The following SNTG1 variants were observed in gnomAD, a reference collection of about 807,000 sequenced individuals.
SNTG1 encodes the protein gamma-1-syntrophin.
In SNTG1, 39 loss-of-function variants were observed where a neutral mutation model predicts 74.7. The observed-to-expected ratio is 0.52, with a 90% CI of 0.40 to 0.68. The LOEUF (loss-of-function observed/expected upper bound fraction) is 0.68. SNTG1 is among the 30% of genes least tolerant of loss of function. The probability of loss-of-function intolerance (pLI) is 0.00; values close to 1 mark genes in which losing one functional copy is unlikely to be tolerated. For missense variants in SNTG1, 685 were observed against 609.5 expected, an observed-to-expected ratio of 1.12 and a Z score of -1.30; for synonymous variants, 254 against 217.1, an observed-to-expected ratio of 1.17 and a Z score of -1.49.
rs139447785 is a variant in SNTG1, at chr8:49,913,830, A to T, written c.-103+1599A>T. ...TTAATTAACACAGAGGGACTCCCCT[A>T]GTCAGTAGGGCATAAAATGTAAGCA... On this transcript the variant is annotated intron_variant, in intron 1 of 18. Transcript: ENST00000642720. 2.6e-4 allele frequency among the ~76,000 whole-genome samples: 40 copies of T among 152,356 alleles called. 2 individuals are homozygous for T. The East Asian group carries it at 6.6e-3, about 25-fold the overall frequency.
intron 1 of SNTG1, among the ~76,000 whole-genome samples, chr8:50,105,026 G>A (rs1197749816): frequency 1.3e-5 from 2 of 152,078 alleles, no homozygotes; most frequent in African/African-American, 2.4e-5. Flanking sequence ...TTGCTCTGCA[G>A]AAGCCTTTTA....
At chr8:50,054,503 C>G (rs1330437937) in intron 1 of SNTG1, among the ~76,000 whole-genome samples, 14 of 152,026 alleles carry the variant, frequency 9.2e-5, no homozygotes, top group Admixed American at 9.2e-4. Flanking sequence ...ACTGAACAAA[C>G]CATAAACTCT....
intron 1 of SNTG1, among the ~76,000 whole-genome samples, chr8:50,086,963 G>A (rs1822945767): frequency 6.6e-6 from 1 of 152,142 alleles, no homozygotes; most frequent in Non-Finnish European, 1.5e-5. Flanking sequence ...TTGAAGATCA[G>A]CATGTATTGT....
intron 12 of SNTG1, among the ~76,000 whole-genome samples, chr8:50,564,177 A>G (rs1159674346): frequency 6.6e-6 from 1 of 151,720 alleles, no homozygotes; most frequent in Non-Finnish European, 1.5e-5. Flanking sequence ...CTGACATGTC[A>G]TCCAAGACTT....
At chr8:49,980,643 T>A (rs1218662059) in intron 1 of SNTG1, among the ~76,000 whole-genome samples, 1 of 152,002 alleles carries the variant, frequency 6.6e-6, no homozygotes, top group Non-Finnish European at 1.5e-5. Flanking sequence ...GTTCCTGAAT[T>A]TTTTTAATAA....
chr8:50,483,380 T>C (rs892537394), intron 8 of SNTG1, among the ~76,000 whole-genome samples: 1 of 152,106 alleles, frequency 6.6e-6, no homozygotes, highest in African/African-American at 2.4e-5. Context: ...ATACATTATA[T>C]TTGGGATATA....
At chr8:50,543,993 A>G (rs2094367594) in intron 11 of SNTG1, among the ~76,000 whole-genome samples, 1 of 152,108 alleles carries the variant, frequency 6.6e-6, no homozygotes, top group South Asian at 2.1e-4. Context: ...GTGTCTGTTT[A>G]TGTCTTTTGC....
intron 15 of SNTG1, among the ~76,000 whole-genome samples, chr8:50,696,500 G>T (rs1270278957): frequency 6.6e-6 from 1 of 151,754 alleles, no homozygotes; most frequent in Admixed American, 6.6e-5. Flanking sequence ...TTGAGGACTT[G>T]GTCATAAAAT....
intron 1 of SNTG1, among the ~76,000 whole-genome samples, chr8:50,016,330 A>G (rs1171034373): frequency 6.6e-6 from 1 of 152,018 alleles, no homozygotes; most frequent in Admixed American, 6.6e-5. Flanking sequence ...ATTTTTTAAA[A>G]TTTTTCACTC....
chr8:50,203,580 G>A (rs145782590), intron 2 of SNTG1, among the ~76,000 whole-genome samples: 2 of 152,126 alleles, frequency 1.3e-5, no homozygotes, highest in East Asian at 3.9e-4. Flanking sequence ...CTTACTTAGT[G>A]GTTGTTCTTT....
intron 12 of SNTG1, among the ~76,000 whole-genome samples, chr8:50,561,423 C>T (rs1434632342): frequency 1.3e-5 from 2 of 151,608 alleles, no homozygotes; most frequent in Admixed American, 1.3e-4. Context: ...TTTTAAAAAC[C>T]AGAAAAAAGG....
chr8:50,390,786 A>T (rs536730961), intron 2 of SNTG1, among the ~76,000 whole-genome samples: 1 of 152,234 alleles, frequency 6.6e-6, no homozygotes, highest in African/African-American at 2.4e-5. Context: ...GGTCCTCCAC[A>T]TCCCTTGTAA....
intron 10 of SNTG1, among the ~76,000 whole-genome samples, chr8:50,536,435 C>T (rs1046747418): frequency 1.3e-5 from 2 of 152,084 alleles, no homozygotes; most frequent in Admixed American, 1.3e-4. Flanking sequence ...TTTTAAAATA[C>T]GTTTTCACTA....
At chr8:50,335,256 T>C (rs189523332) in intron 2 of SNTG1, among the ~76,000 whole-genome samples, 16 of 152,318 alleles carry the variant, frequency 1.1e-4, no homozygotes, top group African/African-American at 3.1e-4. Context: ...ACAAACTTGG[T>C]GGTTTAGAAC....
intron 18 of SNTG1, among the ~76,000 whole-genome samples, chr8:50,757,922 C>G (rs2095585559): frequency 6.6e-6 from 1 of 151,892 alleles, no homozygotes; most frequent in South Asian, 2.1e-4. Context: ...CAAAACAACA[C>G]TACACTGATT....
intron 1 of SNTG1, among the ~76,000 whole-genome samples, chr8:49,934,297 A>G (rs2129361434): frequency 7.0e-6 from 1 of 143,374 alleles, no homozygotes; most frequent in African/African-American, 2.6e-5. Context: ...CTATCTATCT[A>G]TCTATCTATC....
At chr8:50,167,071 A>C (rs1441058744) in intron 1 of SNTG1, among the ~76,000 whole-genome samples, 1 of 133,340 alleles carries the variant, frequency 7.5e-6, no homozygotes. Context: ...GAATTGAACA[A>C]TGCGATCACA....
At chr8:50,655,715 C>A (rs947837904) in intron 13 of SNTG1, among the ~76,000 whole-genome samples, 2 of 152,112 alleles carry the variant, frequency 1.3e-5, no homozygotes, top group African/African-American at 4.8e-5. Context: ...TATGAGTAGA[C>A]GACAGTAATA....
intron 2 of SNTG1, among the ~76,000 whole-genome samples, chr8:50,257,003 T>C (rs936500848): frequency 1.1e-4 from 16 of 152,068 alleles, no homozygotes; most frequent in African/African-American, 3.9e-4. Flanking sequence ...AGGCATGGCT[T>C]TGTAGCCCCC....
Sources: gnomAD v4.1 joint callset for allele counts (sites outside exome capture counted in the v4.1 genomes callset) on GRCh38, gnomAD v4.1.1 for gene constraint, MANE v1.5 for transcripts, NCBI Gene and HGNC (gene_info 2026-07-23, HGNC 2026-07-21) for gene names.